The following RORA variants were observed in gnomAD, a reference collection of about 807,000 sequenced individuals.
The protein encoded by RORA is RAR related orphan receptor A.
RORA carries 7 observed loss-of-function variants against 69.5 expected under a neutral mutation model. The ratio of observed to expected loss-of-function variants is 0.10; its 90% CI spans 0.06 to 0.19. RORA has a LOEUF of 0.19. Among genes scored for constraint, RORA ranks in the 10% least tolerant of loss-of-function variants. The pLI is 1.00. For missense variants in RORA, 457 were observed against 663.0 expected (o/e 0.69, Z 3.41); for synonymous variants, 261 against 240.8 (o/e 1.08, Z -0.78).
chr15:61,121,706 G>A (rs956839869), intron 1 of RORA, among the ~76,000 whole-genome samples: 2 of 151,960 alleles, frequency 1.3e-5, no homozygotes, highest in Non-Finnish European at 2.9e-5. Flanking sequence ...AGCAGGTAAC[G>A]AAGCTCATAG....
At chr15:61,130,265 T>A (rs115080007) in intron 1 of RORA, among the ~76,000 whole-genome samples, 141 of 152,340 alleles carry the variant, frequency 9.3e-4, no homozygotes, top group African/African-American at 3.3e-3. Context: ...ATGAGATAAA[T>A]GTACACATCT....
chr15:60,810,680 T>G (rs1335829490), intron 1 of RORA, among the ~76,000 whole-genome samples: 1 of 151,532 alleles, frequency 6.6e-6, no homozygotes, highest in African/African-American at 2.4e-5. Flanking sequence ...TATCTTTCTG[T>G]GTTTTTTAAA....
chr15:60,803,404 T>G (rs2072615075), intron 1 of RORA, among the ~76,000 whole-genome samples: 3 of 152,242 alleles, frequency 2.0e-5, no homozygotes, highest in African/African-American at 7.2e-5. Context: ...TTGTTTAGAC[T>G]CTTAATGTTT....
intron 1 of RORA, among the ~76,000 whole-genome samples, chr15:60,975,625 G>A (rs916122968): frequency 2.0e-5 from 3 of 152,140 alleles, no homozygotes; most frequent in Admixed American, 1.3e-4. Context: ...CCTCTCCCTC[G>A]GAGGCTAAGC....
In RORA at chr15:60,744,085, C is replaced by CT. The variant is rs149806580; in HGVS notation, c.167-65400dup. ...AAAAAAAAAAGTTCTGGGAAACTTC[C>CT]TTTTTTTTTTTTTGAGAAGGAGGAG... On this transcript the variant is annotated intron_variant, in intron 1 of 10. Transcript: ENST00000335670. Among the ~76,000 whole-genome samples the CT allele has an allele frequency of 8.8e-3, 1,246 of 140,922 alleles. 9 individuals are homozygous for CT. Among genetic ancestry groups the CT allele is most frequent in the South Asian group, 0.032 (143 of 4,452 alleles). 92.5% of individuals were successfully genotyped at this position (140,922 alleles called of 152,430 possible).
intron 1 of RORA, among the ~76,000 whole-genome samples, chr15:61,007,496 G>A (rs1894943725): frequency 6.6e-6 from 1 of 151,790 alleles, no homozygotes; most frequent in Non-Finnish European, 1.5e-5. Context: ...ATTGTTTATT[G>A]AAATGTTCAA....
rs925169175 is a variant in RORA, at chr15:60,774,296, T to C, written c.167-95610A>G. ...TTTTCAATGTCAAGGCCAGTCATGA[T>C]ATTCATCGTCAAATCTGTGGCGCCA... On this transcript the variant is annotated intron_variant, in intron 1 of 10. Transcript: ENST00000335670. Among the ~76,000 whole-genome samples, 2 of 152,226 alleles carry C rather than the reference T, an allele frequency of 1.3e-5. 1 individual carries two copies. The highest frequency in any genetic ancestry group is 4.8e-5 in the African/African-American group (2 of 41,462).
intron 1 of RORA, among the ~76,000 whole-genome samples, chr15:61,167,289 G>T (rs927427271): frequency 6.6e-6 from 1 of 152,004 alleles, no homozygotes; most frequent in East Asian, 1.9e-4. Flanking sequence ...TCAACTTCCA[G>T]ATGGATCCTG....
chr15:60,944,543 C>G (rs1034725628), intron 1 of RORA, among the ~76,000 whole-genome samples: 3 of 151,916 alleles, frequency 2.0e-5, no homozygotes, highest in African/African-American at 7.3e-5. Context: ...ATAGTGAAAC[C>G]CCATCTCTAC....
At chr15:60,651,633 C>G (rs1394456332) in intron 2 of RORA, among the ~76,000 whole-genome samples, 1 of 152,126 alleles carries the variant, frequency 6.6e-6, no homozygotes, top group African/African-American at 2.4e-5. Context: ...CCCATAACAT[C>G]AATACCAAAA....
intron 1 of RORA, among the ~76,000 whole-genome samples, chr15:60,896,350 C>A (rs1192617720): frequency 6.6e-6 from 1 of 152,222 alleles, no homozygotes; most frequent in Non-Finnish European, 1.5e-5. Context: ...GCACAACAGT[C>A]CATATGCGAA....
At chr15:60,759,070 A>G (rs1209843429) in intron 1 of RORA, among the ~76,000 whole-genome samples, 2 of 152,182 alleles carry the variant, frequency 1.3e-5, no homozygotes, top group South Asian at 2.1e-4. Flanking sequence ...AACTGCATCA[A>G]CCTATTCTAA....
rs10577286 is a variant in RORA at position 60,671,067 on chromosome 15, GAT to G, written c.196+7588_196+7589del. 1.3e-3 allele frequency among the ~76,000 whole-genome samples: 164 copies of G among 122,286 alleles called. 9 individuals carry two copies. The highest frequency in any genetic ancestry group is 5.2e-3 in the African/African-American group (128 of 24,606). The allele number at this position is 122,286 out of a possible 152,430, so 80.2% of individuals were successfully genotyped here. ...TCTTATATCTCCTATATATCCCATT[GAT>G]ATATATATATATATATATATATATA... On this transcript the variant is annotated intron_variant, in intron 2 of 10. Coordinates refer to ENST00000335670, the MANE Select transcript of RORA (RefSeq NM_134261.3).
chr15:61,138,435 T>C (rs79522172), intron 1 of RORA, among the ~76,000 whole-genome samples: 7,164 of 152,284 alleles, frequency 0.047, 227 homozygotes, highest in Non-Finnish European at 0.074. Flanking sequence ...AAGTGCTTCA[T>C]GTTGGCCGTC....
chr15:60,631,182 C>A lies in RORA; in HGVS notation c.196+47475G>T, dbSNP rs900258954. Among the ~76,000 whole-genome samples, 7 of 152,314 alleles carry A rather than the reference C, an allele frequency of 4.6e-5. No individual in the cohort carries two copies. In the South Asian group the frequency reaches 1.2e-3, roughly 27 times the overall value. On this transcript the variant is annotated intron_variant, in intron 2 of 10. Coordinates refer to ENST00000335670, the MANE Select transcript of RORA (RefSeq NM_134261.3). The stretch of plus-strand genomic sequence containing the variant: ...GGGATTACAGGCGTGAGCCATTGCA[C>A]CCGGCCAGCAGCATGAGACTTTCTA...
In RORA at chr15:60,678,674, G is replaced by A. The variant is rs188796486; in HGVS notation, c.179C>T (p.Thr60Met). 6.2e-6 allele frequency: 10 copies of A among 1,612,246 alleles called. No homozygotes were observed. Among genetic ancestry groups the A allele is most frequent in the South Asian group, 2.2e-5 (2 of 91,010 alleles). The change falls in exon 2 of 11, where the codon ACG (threonine) becomes ATG (methionine). Residue 60 changes from threonine to methionine, a missense_variant. Coordinates refer to ENST00000335670, the MANE Select transcript of RORA (RefSeq NM_134261.3). ...YSSTSRGISVTKKTHTSQIEI... is the reference protein window; with the variant it reads ...YSSTSRGISVMKKTHTSQIEI... Reference sequence around the variant, plus strand: ...TTACTTACATGTATGTGTCTTCTTCGTTACTGAGATACCTGGAAGAGAAGA... The same window carrying A: ...TTACTTACATGTATGTGTCTTCTTCATTACTGAGATACCTGGAAGAGAAGA...
At chr15:61,165,700 A>C (rs2079535158) in intron 1 of RORA, among the ~76,000 whole-genome samples, 1 of 152,212 alleles carries the variant, frequency 6.6e-6, no homozygotes, top group Non-Finnish European at 1.5e-5. Flanking sequence ...GGAGGGGTTC[A>C]CAGAAATGAA....
chr15:60,859,155 C>A (rs144380062), intron 1 of RORA, among the ~76,000 whole-genome samples: 1 of 152,034 alleles, frequency 6.6e-6, no homozygotes, highest in South Asian at 2.1e-4. Flanking sequence ...CCTCTAAGAC[C>A]CAGTTCAGGG....
At chr15:60,646,173 A>G (rs956823926) in intron 2 of RORA, among the ~76,000 whole-genome samples, 1 of 152,204 alleles carries the variant, frequency 6.6e-6, no homozygotes, top group African/African-American at 2.4e-5. Context: ...TGTAAGTTAT[A>G]GGGAACATGA....
Sources: gnomAD v4.1 joint callset for allele counts (sites outside exome capture counted in the v4.1 genomes callset) on GRCh38, gnomAD v4.1.1 for gene constraint, MANE v1.5 for transcripts, NCBI Gene and HGNC (gene_info 2026-07-23, HGNC 2026-07-21) for gene names.